The following ARAP2 variants were observed in gnomAD, a reference collection of about 807,000 sequenced individuals.
ARAP2 encodes the protein arf-GAP with Rho-GAP domain, ANK repeat and PH domain-containing protein 2.
In ARAP2, 148 loss-of-function variants were observed where a neutral mutation model predicts 194.5. The observed-to-expected ratio is 0.76, with a 90% CI of 0.67 to 0.87. The LOEUF (loss-of-function observed/expected upper bound fraction) is 0.87, where lower values mean the gene tolerates loss of function less well. ARAP2 is among the 40% of genes least tolerant of loss of function. The probability of loss-of-function intolerance (pLI) is 0.00; values close to 1 mark genes in which losing one functional copy is unlikely to be tolerated. For missense variants in ARAP2, 2,128 were observed against 1,989.7 expected (o/e 1.07, Z -1.32); for synonymous variants, 695 against 683.5 (o/e 1.02, Z -0.26).
chr4:36,147,424 A>G (rs1432362766), intron 18 of ARAP2, 65 bp from the exon 19 acceptor site: 2 of 1,582,348 alleles, frequency 1.3e-6, no homozygotes, highest in Non-Finnish European at 1.7e-6. Context: ...CCATGAAGAC[A>G]CAAATATTAA....
At chr4:36,031,474 T>C (rs1460527198) in intron 5 of ARAP2, among the ~76,000 whole-genome samples, 1 of 152,220 alleles carries the variant, frequency 6.6e-6, no homozygotes, top group Non-Finnish European at 1.5e-5. Context: ...TTTGTTTTTC[T>C]TTTGAAGGAA....
At chr4:36,074,276 T>C (rs1409072854) in intron 31 of ARAP2, among the ~76,000 whole-genome samples, 2 of 152,158 alleles carry the variant, frequency 1.3e-5, no homozygotes, top group African/African-American at 2.4e-5. Flanking sequence ...CCTAACTTTA[T>C]GACCTCTTGA....
intron 27 of ARAP2, among the ~76,000 whole-genome samples, chr4:36,107,143 C>G (rs1718621686): frequency 6.6e-6 from 1 of 151,890 alleles, no homozygotes; most frequent in African/African-American, 2.4e-5. Flanking sequence ...TTTCCAACTT[C>G]ATCACAAAAA....
intron 5 of ARAP2, among the ~76,000 whole-genome samples, chr4:36,042,489 G>A (rs183675915): frequency 2.2e-4 from 33 of 152,298 alleles, no homozygotes; most frequent in Admixed American, 1.5e-3. Flanking sequence ...TTATGGGACT[G>A]TTCCAGTATA....
intron 26 of ARAP2, among the ~76,000 whole-genome samples, chr4:36,109,452 C>G (rs532674297): frequency 6.6e-6 from 1 of 151,510 alleles, no homozygotes; most frequent in African/African-American, 2.4e-5. Context: ...GCCCATAAAT[C>G]AAAAAAACAT....
intron 19 of ARAP2, among the ~76,000 whole-genome samples, chr4:36,138,982 T>C (rs1213308661): frequency 6.6e-6 from 1 of 151,746 alleles, no homozygotes; most frequent in African/African-American, 2.4e-5. Context: ...TAGACATTTC[T>C]ATTCATCATT....
At chr4:36,025,380 T>C (rs1717729998) in intron 5 of ARAP2, among the ~76,000 whole-genome samples, 1 of 152,178 alleles carries the variant, frequency 6.6e-6, no homozygotes, top group Non-Finnish European at 1.5e-5. Flanking sequence ...AGCTGCTACT[T>C]AGCAAGCTGG....
chr4:36,083,954 G>A (rs746315160), intron 28 of ARAP2, among the ~76,000 whole-genome samples: 28 of 152,076 alleles, frequency 1.8e-4, no homozygotes, highest in Admixed American at 1.1e-3. Flanking sequence ...TAAGTCTTCC[G>A]GCCTTCATCT....
chr4:36,134,641 A>C (rs928404224), intron 19 of ARAP2, among the ~76,000 whole-genome samples: 2 of 151,620 alleles, frequency 1.3e-5, no homozygotes, highest in Non-Finnish European at 2.9e-5. Flanking sequence ...TTTCAAGATA[A>C]AAAGTCTTCA....
At chr4:36,018,476 T>C (rs896506204) in intron 6 of ARAP2, among the ~76,000 whole-genome samples, 1 of 147,530 alleles carries the variant, frequency 6.8e-6, no homozygotes, top group African/African-American at 2.5e-5. Context: ...TCAGCTGAAA[T>C]GTAAAATGTA....
intron 21 of ARAP2, among the ~76,000 whole-genome samples, chr4:36,127,964 A>T (rs1216634480): frequency 6.6e-6 from 1 of 151,996 alleles, no homozygotes; most frequent in Non-Finnish European, 1.5e-5. Flanking sequence ...TACTAAAATT[A>T]ATTTGACCCA....
chr4:36,240,750 A>G (rs993436853), intron 1 of ARAP2, among the ~76,000 whole-genome samples: 1 of 152,192 alleles, frequency 6.6e-6, no homozygotes, highest in Non-Finnish European at 1.5e-5. Context: ...ATCATTTCAT[A>G]GCTTTGATCA....
intron 21 of ARAP2, among the ~76,000 whole-genome samples, chr4:36,126,686 G>A (rs1333472511): frequency 2.0e-5 from 3 of 152,012 alleles, no homozygotes; most frequent in Non-Finnish European, 4.4e-5. Context: ...AGTATTCAAA[G>A]CCTTCTCCAA....
chr4:36,009,903 T>G (rs1714135058), intron 9 of ARAP2, among the ~76,000 whole-genome samples: 1 of 148,528 alleles, frequency 6.7e-6, no homozygotes, highest in Non-Finnish European at 1.5e-5. Context: ...GGGGGTGGAA[T>G]CATCAGTGGA....
chr4:36,224,091 G>T (rs1486719480), intron 2 of ARAP2, among the ~76,000 whole-genome samples: 2 of 150,446 alleles, frequency 1.3e-5, no homozygotes, highest in Admixed American at 6.6e-5. Context: ...GCCCAGAAAA[G>T]CAGTGGCATA....
chr4:36,243,479 T>G (rs977039978), intron 1 of ARAP2: 2 of 152,050 alleles, frequency 1.3e-5, no homozygotes, highest in African/African-American at 4.8e-5. Flanking sequence ...CTTATTTTCT[T>G]GTGTTTTCCT....
chr4:36,025,972 T>C (rs1054037103), intron 5 of ARAP2, among the ~76,000 whole-genome samples: 1 of 152,122 alleles, frequency 6.6e-6, no homozygotes, highest in Non-Finnish European at 1.5e-5. Context: ...TCTGTAATAG[T>C]TAGAAATGGT....
At chr4:36,216,010 C>A (rs1747858101) in intron 2 of ARAP2, among the ~76,000 whole-genome samples, 1 of 151,464 alleles carries the variant, frequency 6.6e-6, no homozygotes, top group Admixed American at 6.6e-5. Context: ...TCTTGGGAGG[C>A]CAAGGTGGGC....
At chr4:36,192,873 G>A (rs1408684003) in intron 7 of ARAP2, among the ~76,000 whole-genome samples, 2 of 152,092 alleles carry the variant, frequency 1.3e-5, no homozygotes, top group East Asian at 3.9e-4. Flanking sequence ...GTGTGCACCT[G>A]TAATCCCAGC....
Sources: gnomAD v4.1 joint callset for allele counts (sites outside exome capture counted in the v4.1 genomes callset) on GRCh38, gnomAD v4.1.1 for gene constraint, MANE v1.5 for transcripts, NCBI Gene and HGNC (gene_info 2026-07-23, HGNC 2026-07-21) for gene names.